Variants in TRABD2B observed in about 807,000 individuals in gnomAD.
The protein encoded by TRABD2B is metalloprotease TIKI2.
A neutral mutation model predicts 40.1 loss-of-function variants in TRABD2B; 14 were observed. The ratio of observed to expected loss-of-function variants is 0.35; its 90% CI spans 0.23 to 0.55. TRABD2B has a LOEUF of 0.55. Among genes scored for constraint, TRABD2B ranks in the 20% least tolerant of loss-of-function variants. The pLI is 0.90. For synonymous variants in TRABD2B, 263 were observed against 277.0 expected (o/e 0.95, Z 0.50); for missense variants, 541 against 648.6 (o/e 0.83, Z 1.80).
At chr1:47,846,830 G>A (rs2124506016) in intron 2 of TRABD2B, among the ~76,000 whole-genome samples, 1 of 137,200 alleles carries the variant, frequency 7.3e-6, no homozygotes, top group East Asian at 2.3e-4. Flanking sequence ...TTAACATAAT[G>A]CAGGCCAGGT....
chr1:47,895,767 G>A (rs1185472080), intron 2 of TRABD2B, among the ~76,000 whole-genome samples: 2 of 152,212 alleles, frequency 1.3e-5, no homozygotes, highest in African/African-American at 4.8e-5. Context: ...GCTGAAAGGG[G>A]CCCATAGGGC....
intron 2 of TRABD2B, among the ~76,000 whole-genome samples, chr1:47,978,718 T>C (rs774450631): frequency 3.7e-4 from 57 of 152,194 alleles, no homozygotes; most frequent in Non-Finnish European, 6.5e-4. Context: ...ACAAATCAGC[T>C]TGGGTGCCGT....
intron 3 of TRABD2B, among the ~76,000 whole-genome samples, chr1:47,799,381 C>G (rs1277352290): frequency 3.9e-5 from 6 of 152,190 alleles, no homozygotes; most frequent in Non-Finnish European, 4.4e-5. Flanking sequence ...CTAGGAGCCT[C>G]GTGGTGTCAG....
At chr1:47,909,355 G>A (rs1644719483) in intron 2 of TRABD2B, among the ~76,000 whole-genome samples, 1 of 152,022 alleles carries the variant, frequency 6.6e-6, no homozygotes, top group Non-Finnish European at 1.5e-5. Context: ...CCTGGCGGAA[G>A]GAGAAGGGGA....
chr1:47,930,463 G>C (rs1216633851), intron 2 of TRABD2B, among the ~76,000 whole-genome samples: 4 of 152,120 alleles, frequency 2.6e-5, no homozygotes, highest in Non-Finnish European at 5.9e-5. Context: ...TGGTGGCTTA[G>C]GAAGTGGGGA....
chr1:47,878,140 T>A (rs1008331386), intron 2 of TRABD2B, among the ~76,000 whole-genome samples: 1 of 150,662 alleles, frequency 6.6e-6, no homozygotes, highest in Admixed American at 6.6e-5. Flanking sequence ...CATGGAGAAA[T>A]CCCATCTCTA....
intron 2 of TRABD2B, among the ~76,000 whole-genome samples, chr1:47,951,925 C>T (rs1170038143): frequency 6.6e-6 from 1 of 152,150 alleles, no homozygotes; most frequent in Non-Finnish European, 1.5e-5. Context: ...TCCTTTTTTT[C>T]TAGATGGTCA....
At position 47,994,046 on chromosome 1, in the gene TRABD2B, G is replaced by A; in HGVS notation, c.654C>T (p.Leu218=). ...EEQCHPLNNG[L]NFSQVLFALN... ...ACTGCATGCCTACCTGGGAGAAGTT[G>A]AGCCCGTTGTTGAGGGGATGGCACT... Residue 218 remains leucine (L), a synonymous_variant, in exon 2 of 7, where the codon CTC becomes CTT. Transcript: ENST00000606738. The surrounding 1 kb of genome is among the most constrained non-coding windows in gnomAD (Gnocchi z 6.7). 1.3e-6 allele frequency: 2 copies of A among 1,534,794 alleles called. No homozygotes were observed. The highest frequency in any genetic ancestry group is 1.2e-5 in the South Asian group (1 of 84,014).
At chr1:47,988,775 T>A (rs1381570647) in intron 2 of TRABD2B, among the ~76,000 whole-genome samples, 2 of 152,068 alleles carry the variant, frequency 1.3e-5, no homozygotes, top group Non-Finnish European at 2.9e-5. Flanking sequence ...AGCCCAGCGC[T>A]CTCATGGGAC....
Position 47,953,053 on chromosome 1 carries a change from T to G in TRABD2B, c.666+40981A>C, listed in dbSNP as rs376138008. Among the ~76,000 whole-genome samples, 4 of 152,346 alleles carry G rather than the reference T, an allele frequency of 2.6e-5. No homozygotes were observed. The East Asian group carries it at 7.7e-4, about 29-fold the overall frequency. ...ATGGGGCAACTCAGCAATCCCTAGC[T>G]ACCATTAGGGGAACATTTGCTTGGG... On this transcript the variant is annotated intron_variant, in intron 2 of 6. Transcript: ENST00000606738.
rs74075030 is a variant in TRABD2B at position 47,994,184 on chromosome 1, C to A, written c.516G>T (p.Ser172=). Residue 172 remains serine, a synonymous_variant, in exon 2 of 7, where the codon TCG becomes TCT. Coordinates refer to ENST00000606738, the MANE Select transcript of TRABD2B (RefSeq NM_001194986.2). This position sits in a 1 kb window ranked among gnomAD's most constrained non-coding sequence, Gnocchi z 6.7. ...RPVWVMLMVN[S]LTERDVRFRG... ...GGAAGCGCACGTCCCTCTCTGTGAG[C>A]GAGTTTACCATGAGCATCACCCAGA... 2.6e-6 allele frequency: 4 copies of A among 1,540,422 alleles called. No homozygotes were observed. Among genetic ancestry groups the A allele is most frequent in the Admixed American group, 1.9e-5 (1 of 51,376 alleles).
In TRABD2B at chr1:47,991,036, G is replaced by A. The variant is rs181631921; in HGVS notation, c.666+2998C>T. Among the ~76,000 whole-genome samples, 10 of 151,526 alleles carry A rather than the reference G, an allele frequency of 6.6e-5. No individual in the cohort carries two copies. The East Asian group carries it at 2.0e-3, about 30-fold the overall frequency. ...AATTTTAAGCCCTCAAGTCCTAAAG[G>A]GGAGAGAGAAACAGAAGAAAGAACT... is the stretch of plus-strand genomic sequence containing the variant. On this transcript the variant is annotated intron_variant, in intron 2 of 6. Coordinates refer to ENST00000606738, the MANE Select transcript of TRABD2B (RefSeq NM_001194986.2).
At chr1:47,784,457 A>G (rs999392520) in intron 4 of TRABD2B, among the ~76,000 whole-genome samples, 1 of 152,126 alleles carries the variant, frequency 6.6e-6, no homozygotes, top group African/African-American at 2.4e-5. Context: ...TGTTCCCACA[A>G]AGGCTCCAAA....
intron 2 of TRABD2B, among the ~76,000 whole-genome samples, chr1:47,920,867 G>A (rs1644892958): frequency 6.6e-6 from 1 of 152,164 alleles, no homozygotes; most frequent in South Asian, 2.1e-4. Context: ...TGTACTTTAT[G>A]AATGGCCTGG....
chr1:47,866,435 A>AC (rs1268352527), intron 2 of TRABD2B, among the ~76,000 whole-genome samples: 3 of 152,102 alleles, frequency 2.0e-5, no homozygotes, highest in Non-Finnish European at 4.4e-5. Flanking sequence ...TCTACACCCT[A>AC]CCCTTTTTCA....
chr1:47,832,713 T>C (rs996353115), intron 2 of TRABD2B, among the ~76,000 whole-genome samples: 2 of 152,192 alleles, frequency 1.3e-5, no homozygotes, highest in Non-Finnish European at 2.9e-5. Context: ...TGACGCTGGG[T>C]GCTAGGGGCA....
chr1:47,791,633 T>C (rs1246846969), intron 4 of TRABD2B, among the ~76,000 whole-genome samples: 1 of 150,934 alleles, frequency 6.6e-6, no homozygotes, highest in Non-Finnish European at 1.5e-5. Flanking sequence ...AGGTGAGGAG[T>C]GGAGCGGGTA....
chr1:47,837,529 C>T (rs896160689), intron 2 of TRABD2B, among the ~76,000 whole-genome samples: 9 of 152,144 alleles, frequency 5.9e-5, no homozygotes, highest in African/African-American at 1.7e-4. Flanking sequence ...CCTCTGCTCC[C>T]GCCAAGGTCC....
At chr1:47,913,223 T>C (rs922276432) in intron 2 of TRABD2B, among the ~76,000 whole-genome samples, 2 of 152,136 alleles carry the variant, frequency 1.3e-5, no homozygotes, top group African/African-American at 2.4e-5. Flanking sequence ...CCAGGTTCAC[T>C]CTCACCACCT....
Sources: gnomAD v4.1 joint callset for allele counts (sites outside exome capture counted in the v4.1 genomes callset) on GRCh38, gnomAD v4.1.1 for gene constraint, Gnocchi (gnomAD v3.1) non-coding constraint, MANE v1.5 for transcripts, NCBI Gene and HGNC (gene_info 2026-07-23, HGNC 2026-07-21) for gene names.